EPHA7: variants seen among roughly 807,000 people sequenced by gnomAD.
EPHA7 encodes ephrin type-A receptor 7.
EPHA7 carries 25 observed loss-of-function variants against 112.6 expected under a neutral mutation model. That is an observed-to-expected ratio of 0.22 (90% CI 0.16 to 0.31). EPHA7 has a LOEUF of 0.31. Among genes scored for constraint, EPHA7 ranks in the 10% least tolerant of loss-of-function variants. The probability of loss-of-function intolerance (pLI) is 1.00; values close to 1 mark genes in which losing one functional copy is unlikely to be tolerated. For synonymous variants in EPHA7, 437 were observed against 406.5 expected (o/e 1.07, Z -0.90); for missense variants, 962 against 1,212.6 (o/e 0.79, Z 3.07).
chr6:93,318,050 A>G (rs576020657), intron 5 of EPHA7, among the ~76,000 whole-genome samples: 7 of 152,150 alleles, frequency 4.6e-5, no homozygotes, highest in Non-Finnish European at 1.0e-4. Flanking sequence ...GACTAATCCA[A>G]TTATGGCATT....
chr6:93,362,479 A>C (rs1400733798), intron 3 of EPHA7, among the ~76,000 whole-genome samples: 1 of 152,140 alleles, frequency 6.6e-6, no homozygotes, highest in Non-Finnish European at 1.5e-5. Flanking sequence ...TCCCATTTAT[A>C]AATTATTTAA....
intron 14 of EPHA7, among the ~76,000 whole-genome samples, chr6:93,253,802 T>C (rs534972320): frequency 6.6e-6 from 1 of 152,248 alleles, no homozygotes; most frequent in South Asian, 2.1e-4. Context: ...CCTGGATATC[T>C]TCCTAGATTT....
chr6:93,305,605 T>C (rs1773215939), intron 5 of EPHA7, among the ~76,000 whole-genome samples: 1 of 151,894 alleles, frequency 6.6e-6, no homozygotes, highest in African/African-American at 2.4e-5. Flanking sequence ...TGGCTTTCTT[T>C]TTCATTCTTC....
In EPHA7 at chr6:93,264,640, T is replaced by G; in HGVS notation, c.1696A>C (p.Thr566Pro). ...IIIAVVAVAGTIILVFMVFGF... is the reference protein window; with the variant it reads ...IIIAVVAVAGPIILVFMVFGF... ...AAGACCATGAACACCAAAATGATGG[T>G]CCCAGCTACAGCAACCACAGCAATG... Residue 566 changes from threonine to proline, a missense_variant, in exon 8 of 17, where the codon ACC becomes CCC. By Grantham distance (38) the Thr-to-Pro change is conservative. Coordinates refer to ENST00000369303, the MANE Select transcript of EPHA7 (RefSeq NM_004440.4). 6.2e-7 allele frequency: 1 copy of G among 1,607,968 alleles called. No homozygotes were observed. The highest frequency in any genetic ancestry group is 8.5e-7 in the Non-Finnish European group (1 of 1,176,096).
At chr6:93,412,324 CT>C (rs1431917628) in intron 2 of EPHA7, among the ~76,000 whole-genome samples, 5 of 151,856 alleles carry the variant, frequency 3.3e-5, no homozygotes, top group African/African-American at 4.8e-5. Context: ...TGGGTAAATA[CT>C]TTTATTTTAA....
chr6:93,246,855 C>A lies in EPHA7; in HGVS notation c.2663G>T (p.Gly888Val), dbSNP rs750460575. 2 of 1,613,860 alleles carry A rather than the reference C, an allele frequency of 1.2e-6. No homozygotes were observed. Among genetic ancestry groups the A allele is most frequent in the Admixed American group, 1.7e-5 (1 of 60,012 alleles). Residue 888 changes from glycine to valine, a missense_variant, in exon 15 of 17, where the codon GGA (glycine) becomes GTA (valine). This residue lies in a region of EPHA7 where 746 missense variants were observed against 889.2 expected (regional missense o/e 0.84). Coordinates refer to ENST00000369303, the MANE Select transcript of EPHA7 (RefSeq NM_004440.4). The stretch of plus-strand genomic sequence containing the variant: ...GTTTCGAATCATTTTGTCTAGAATT[C>A]CAACTATCTGTTCAAATTTTGGCCT... Reference protein sequence around the residue: ...AERPKFEQIVGILDKMIRNPN... With the variant: ...AERPKFEQIVVILDKMIRNPN...
intron 1 of EPHA7, among the ~76,000 whole-genome samples, chr6:93,417,366 GTCGCCGCCTAGAAGCCGGGCGCAC>G (rs1363374088): frequency 1.3e-5 from 2 of 152,090 alleles, no homozygotes; most frequent in African/African-American, 4.8e-5. Flanking sequence ...CCCTAGAGGC[GTCGCCGCCTAGAAGCCGGGCGCAC>G]TCGCCGCCCG....
chr6:93,406,015 GTTAAAT>G (rs1412613571), intron 3 of EPHA7, among the ~76,000 whole-genome samples: 1 of 149,856 alleles, frequency 6.7e-6, no homozygotes, highest in Non-Finnish European at 1.5e-5. Context: ...TGTTTCATTT[GTTAAAT>G]TATACATATG....
At chr6:93,353,751 G>A (rs1047162628) in intron 5 of EPHA7, among the ~76,000 whole-genome samples, 1 of 150,972 alleles carries the variant, frequency 6.6e-6, no homozygotes, top group Non-Finnish European at 1.5e-5. Context: ...TTTTTCATGA[G>A]GAGTTTAGTG....
Position 93,254,711 on chromosome 6 carries a change from C to G in EPHA7, c.2468G>C (p.Gly823Ala). 6.2e-7 allele frequency: 1 copy of G among 1,613,670 alleles called. No homozygotes were observed. Among genetic ancestry groups the G allele is most frequent in the Non-Finnish European group, 8.5e-7 (1 of 1,179,700 alleles). Reference protein sequence around the residue: ...FTSASDVWSYGIVMWEVMSYG... With the variant: ...FTSASDVWSYAIVMWEVMSYG... The stretch of plus-strand genomic sequence containing the variant: ...AGACATAACTTCCCACATGACTATT[C>G]CATAGCTCCATACATCACTGGCTGA... The change falls in exon 14 of 17, where the codon GGA becomes GCA. Residue 823 changes from glycine (G) to alanine (A), a missense_variant. By Grantham distance (60) the Gly-to-Ala change is moderately conservative. Transcript: ENST00000369303.
intron 9 of EPHA7, among the ~76,000 whole-genome samples, chr6:93,262,495 T>A (rs532663399): frequency 2.2e-4 from 33 of 151,440 alleles, no homozygotes; most frequent in African/African-American, 6.8e-4. Context: ...CATGATTATA[T>A]ACATAAATTT....
At chr6:93,382,254 T>A (rs1486033016) in intron 3 of EPHA7, among the ~76,000 whole-genome samples, 1 of 152,126 alleles carries the variant, frequency 6.6e-6, no homozygotes, top group Admixed American at 6.6e-5. Context: ...GTAGAAGGGA[T>A]GTTTTCAGGA....
intron 3 of EPHA7, among the ~76,000 whole-genome samples, chr6:93,399,915 C>T (rs1468056510): frequency 2.0e-5 from 3 of 151,990 alleles, no homozygotes; most frequent in Non-Finnish European, 4.4e-5. Context: ...TCTAATTTAT[C>T]TTTGATGATC....
Position 93,280,815 on chromosome 6 carries a change from CA to C in EPHA7, c.1325-8394del, listed in dbSNP as rs563771139. The stretch of plus-strand genomic sequence containing the variant: ...CATTCCTAGCATGTGGTAAGAATTC[CA>C]AAAAAAAAGTATTATTATTCTATTA... On this transcript the variant is annotated intron_variant, in intron 5 of 16. Transcript: ENST00000369303. Among the ~76,000 whole-genome samples, 164 of 149,442 alleles carry C rather than the reference CA, an allele frequency of 1.1e-3. 1 individual carries two copies. The highest frequency in any genetic ancestry group is 3.3e-3 in the African/African-American group (136 of 40,834).
chr6:93,311,141 T>TTTTTTTTC (rs1773519550), intron 5 of EPHA7, among the ~76,000 whole-genome samples: 1 of 132,138 alleles, frequency 7.6e-6, no homozygotes, highest in African/African-American at 2.9e-5. Flanking sequence ...TTTTTTTTTT[T>TTTTTTTTC]ACAGAGATTG....
At chr6:93,398,171 T>A (rs890077639) in intron 3 of EPHA7, among the ~76,000 whole-genome samples, 1 of 152,014 alleles carries the variant, frequency 6.6e-6, no homozygotes, top group Non-Finnish European at 1.5e-5. Flanking sequence ...ATATTCTTAT[T>A]TGTTATTGGT....
At chr6:93,310,587 C>A (rs937937436) in intron 5 of EPHA7, among the ~76,000 whole-genome samples, 9 of 151,976 alleles carry the variant, frequency 5.9e-5, no homozygotes, top group South Asian at 2.1e-4. Context: ...TTGCTTGAAC[C>A]CGGGGGATGG....
rs1389910800 is a variant in EPHA7, at chr6:93,297,659, TA to T, written c.1325-25238del. The stretch of plus-strand genomic sequence containing the variant: ...GTAAGTGCCAGTTGCCACTGGTTAT[TA>T]AAATAAAAGCTTTCTCATACACAAC... On this transcript the variant is annotated intron_variant, in intron 5 of 16. Transcript: ENST00000369303. Among the ~76,000 whole-genome samples the T allele has an allele frequency of 2.6e-5, 4 of 152,054 alleles. No individual in the cohort carries two copies. The East Asian group carries it at 7.7e-4, about 29-fold the overall frequency.
chr6:93,358,787 C>G (rs1353354662), intron 3 of EPHA7, among the ~76,000 whole-genome samples: 2 of 152,158 alleles, frequency 1.3e-5, no homozygotes, highest in East Asian at 1.9e-4. Context: ...TAGAACACTT[C>G]AAGTTATGTT....
Sources: allele counts gnomAD v4.1 joint callset (sites outside exome capture counted in the v4.1 genomes callset), GRCh38; gene constraint gnomAD v4.1.1; regional missense constraint gnomAD v4.1.1; transcripts MANE v1.5; gene names NCBI Gene and HGNC (gene_info 2026-07-23, HGNC 2026-07-21).